The following VRK1 variants were observed in gnomAD, a reference collection of about 807,000 sequenced individuals.
VRK1 encodes the protein serine/threonine-protein kinase VRK1.
Under a neutral mutation model 57.1 loss-of-function variants are expected in VRK1, and 33 were observed. The observed-to-expected ratio is 0.58, with a 90% CI of 0.44 to 0.77. VRK1 has a LOEUF of 0.77. VRK1 is among the 30% of genes least tolerant of loss of function. The probability of loss-of-function intolerance (pLI) is 0.00; values close to 1 mark genes in which losing one functional copy is unlikely to be tolerated. For missense variants in VRK1, 413 were observed against 477.3 expected (o/e 0.87, Z 1.25); for synonymous variants, 137 against 147.8 (o/e 0.93, Z 0.53).
At chr14:96,852,371 G>A (rs1312266775) in intron 5 of VRK1, among the ~76,000 whole-genome samples, 2 of 152,138 alleles carry the variant, frequency 1.3e-5, no homozygotes, top group African/African-American at 2.4e-5. Flanking sequence ...TTTTGTTAAA[G>A]CATCTCACGA....
At chr14:96,865,607 A>G (rs1010371759) in intron 11 of VRK1, among the ~76,000 whole-genome samples, 1 of 152,216 alleles carries the variant, frequency 6.6e-6, no homozygotes, top group Admixed American at 6.5e-5. Flanking sequence ...AGCAATTCGG[A>G]AAGAACTGAC....
chr14:96,855,469 C>A, intron 8 of VRK1, 113 bp downstream of exon 8: 1 of 1,517,872 alleles, frequency 6.6e-7, no homozygotes, highest in Non-Finnish European at 9.0e-7. Flanking sequence ...ATTGAAAAGG[C>A]ACAGTGGCAT....
intron 1 of VRK1, among the ~76,000 whole-genome samples, chr14:96,799,336 T>G (rs1484302715): frequency 6.6e-6 from 1 of 152,048 alleles, no homozygotes; most frequent in Non-Finnish European, 1.5e-5. Context: ...CTTTTTTTTT[T>G]AACTTTGAGA....
chr14:96,811,189 CCAAA>C (rs1317676258), intron 1 of VRK1, among the ~76,000 whole-genome samples: 2 of 152,086 alleles, frequency 1.3e-5, no homozygotes, highest in African/African-American at 4.8e-5. Flanking sequence ...CCTTGGCCTC[CCAAA>C]GTGCAGGGAT....
At position 96,866,800 on chromosome 14, in the gene VRK1, C is replaced by T. The variant is rs114038087; in HGVS notation, c.1068+6065C>T. Among the ~76,000 whole-genome samples the T allele has an allele frequency of 4.4e-3, 677 of 152,288 alleles. 7 individuals carry two copies. Among genetic ancestry groups the T allele is most frequent in the African/African-American group, 0.016 (651 of 41,562 alleles). On this transcript the variant is annotated intron_variant, in intron 11 of 12. Coordinates refer to ENST00000216639, the MANE Select transcript of VRK1 (RefSeq NM_003384.3). ...TGGTCATCACTTTTCAAAGGTTATG[C>T]TGCAAAGCTATGATACTTCTGTTTG...
At chr14:96,809,848 C>T (rs1465706219) in intron 1 of VRK1, among the ~76,000 whole-genome samples, 1 of 152,132 alleles carries the variant, frequency 6.6e-6, no homozygotes, top group Non-Finnish European at 1.5e-5. Context: ...GCTGGGGTTA[C>T]AGGTGTAAGC....
At chr14:96,799,830 T>G (rs1032892613) in intron 1 of VRK1, among the ~76,000 whole-genome samples, 1 of 152,190 alleles carries the variant, frequency 6.6e-6, no homozygotes, top group African/African-American at 2.4e-5. Context: ...AATGGACTCA[T>G]TTATTCAGCA....
intron 1 of VRK1, among the ~76,000 whole-genome samples, chr14:96,799,571 A>G (rs1365482346): frequency 6.6e-6 from 1 of 152,240 alleles, no homozygotes; most frequent in Non-Finnish European, 1.5e-5. Context: ...TTTAAGATTT[A>G]CCTTATATCA....
At chr14:96,853,270 T>A in intron 7 of VRK1, 104 bp downstream of exon 7, 2 of 918,038 alleles carry the variant, frequency 2.2e-6, no homozygotes, top group Non-Finnish European at 3.5e-6. Flanking sequence ...CTTTTTGAAG[T>A]AGATATGGTA....
chr14:96,837,841 G>T (rs759391836), intron 3 of VRK1, 24 bp downstream of exon 3: 49 of 1,528,730 alleles, frequency 3.2e-5, no homozygotes, highest in Non-Finnish European at 4.1e-5. Context: ...TAGCTAATTT[G>T]TTTCTTTTCT....
At chr14:96,817,539 C>T (rs1349026878) in intron 1 of VRK1, among the ~76,000 whole-genome samples, 1 of 151,580 alleles carries the variant, frequency 6.6e-6, no homozygotes, top group African/African-American at 2.4e-5. Flanking sequence ...TTCTGTTATA[C>T]TTTATTTAGT....
At position 96,847,295 on chromosome 14, in the gene VRK1, G is replaced by C. The variant is rs753029051; in HGVS notation, c.325G>C (p.Gly109Arg). ...TCGTACCCGTAAGCTGAAGTACCTG[G>C]GTGTTCCTAAGTATTGGGGGTCTGG... ...WIRTRKLKYL[G>R]VPKYWGSGLH... is the part of the protein sequence containing the mutation. Residue 109 changes from glycine to arginine, a missense_variant, in exon 5 of 13, where the codon GGT becomes CGT. Around this residue, in one of 3 missense-constraint regions of VRK1, gnomAD observed 151 missense variants for 225.5 expected, o/e 0.67. Transcript: ENST00000216639. The C allele has an allele frequency of 6.2e-7, 1 of 1,613,678 alleles. No individual in the cohort carries two copies. Among genetic ancestry groups the C allele is most frequent in the Non-Finnish European group, 8.5e-7 (1 of 1,179,716 alleles).
rs568301802 is a variant in VRK1 at position 96,881,421 on chromosome 14, A to G, written c.*213A>G. 1.9e-6 allele frequency: 1 copy of G among 515,072 alleles called. No homozygotes were observed. Among genetic ancestry groups the G allele is most frequent in the Non-Finnish European group, 3.4e-6 (1 of 295,190 alleles). The allele number at this position is 515,072 out of a possible 1,614,324, so 31.9% of individuals were successfully genotyped here. ...TGAAATTTGAAAATCTTCAGGTTAT[A>G]CTCCTTAAGTTATCCCAAAGCCGTG... On this transcript the variant is annotated 3_prime_UTR_variant, in exon 13 of 13. Transcript: ENST00000216639.
At chr14:96,850,801 C>A (rs1347686971) in intron 5 of VRK1, among the ~76,000 whole-genome samples, 1 of 152,148 alleles carries the variant, frequency 6.6e-6, no homozygotes, top group African/African-American at 2.4e-5. Flanking sequence ...TGCGTTAATA[C>A]CTACTGGTTG....
chr14:96,823,596 A>G (rs1222491198), intron 1 of VRK1, among the ~76,000 whole-genome samples: 1 of 152,230 alleles, frequency 6.6e-6, no homozygotes, highest in Non-Finnish European at 1.5e-5. Context: ...TATCTGCTGC[A>G]TCTAGAAACT....
At chr14:96,852,262 C>T (rs1887980148) in intron 5 of VRK1, among the ~76,000 whole-genome samples, 1 of 152,166 alleles carries the variant, frequency 6.6e-6, no homozygotes, top group African/African-American at 2.4e-5. Flanking sequence ...CAGTTATCTT[C>T]ATGTTTTTTC....
intron 1 of VRK1, among the ~76,000 whole-genome samples, chr14:96,824,232 G>A (rs991852434): frequency 2.6e-5 from 4 of 152,138 alleles, no homozygotes; most frequent in African/African-American, 9.7e-5. Flanking sequence ...AACTGTATAT[G>A]ATAAAGTGGA....
At chr14:96,840,274 A>G (rs1452562839) in intron 3 of VRK1, among the ~76,000 whole-genome samples, 1 of 152,154 alleles carries the variant, frequency 6.6e-6, no homozygotes, top group East Asian at 1.9e-4. Flanking sequence ...TGTCCTGTCC[A>G]TTGTCTAATT....
intron 1 of VRK1, among the ~76,000 whole-genome samples, chr14:96,812,592 G>C (rs1886247465): frequency 6.6e-6 from 1 of 152,054 alleles, no homozygotes; most frequent in African/African-American, 2.4e-5. Context: ...TTTTAAACTG[G>C]CTTAGTTGTC....
Sources: allele counts gnomAD v4.1 joint callset (sites outside exome capture counted in the v4.1 genomes callset), GRCh38; gene constraint gnomAD v4.1.1; regional missense constraint gnomAD v4.1.1; transcripts MANE v1.5; gene names NCBI Gene and HGNC (gene_info 2026-07-23, HGNC 2026-07-21).